The following DRGX variants were observed in gnomAD, a reference collection of about 807,000 sequenced individuals.
The protein encoded by DRGX is dorsal root ganglia homeobox protein.
A neutral mutation model predicts 28.6 loss-of-function variants in DRGX; 21 were observed. The observed-to-expected ratio is 0.73, with a 90% CI of 0.52 to 1.06. DRGX has a LOEUF of 1.06. DRGX is among the 50% of genes least tolerant of loss of function. DRGX has a pLI of 0.00. For missense variants in DRGX, 354 were observed against 343.9 expected (o/e 1.03, Z -0.23); for synonymous variants, 136 against 139.1 (o/e 0.98, Z 0.16).
At chr10:49,379,270 G>A (rs777654975) in intron 6 of DRGX, among the ~76,000 whole-genome samples, 13 of 152,170 alleles carry the variant, frequency 8.5e-5, no homozygotes, top group East Asian at 5.8e-4. Context: ...GAAAAGTGAC[G>A]TGAGTAAAAC....
chr10:49,370,850 C>T (rs778506568), intron 6 of DRGX, among the ~76,000 whole-genome samples: 1 of 152,196 alleles, frequency 6.6e-6, no homozygotes, highest in Non-Finnish European at 1.5e-5. Flanking sequence ...GTGGTCAATA[C>T]GACTTCACAG....
chr10:49,375,312 C>T (rs1452312447), intron 6 of DRGX, among the ~76,000 whole-genome samples: 1 of 152,170 alleles, frequency 6.6e-6, no homozygotes, highest in Non-Finnish European at 1.5e-5. Context: ...CAGAACAAAA[C>T]TGTCCCATTT....
chr10:49,395,441 C>G lies in DRGX; in HGVS notation c.-1G>C. On this transcript the variant is annotated 5_prime_UTR_variant, in exon 2 of 7. Transcript: ENST00000374139. The stretch of plus-strand genomic sequence containing the variant: ...GTGGCGGGCAGTGGAAATAAAACAT[C>G]GCCGGCTGTCAGATCGGCTGGACGG... 1 of 1,550,256 alleles carries G rather than the reference C, an allele frequency of 6.5e-7. No individual in the cohort carries two copies. Among genetic ancestry groups the G allele is most frequent in the South Asian group, 1.2e-5 (1 of 84,068 alleles).
intron 6 of DRGX, among the ~76,000 whole-genome samples, chr10:49,370,057 T>C (rs1270765938): frequency 6.6e-6 from 1 of 151,994 alleles, no homozygotes; most frequent in Non-Finnish European, 1.5e-5. Flanking sequence ...GAGGGGCAGG[T>C]GGGGGTGGAA....
intron 6 of DRGX, among the ~76,000 whole-genome samples, chr10:49,374,325 G>A (rs2132473027): frequency 6.6e-6 from 1 of 152,248 alleles, no homozygotes; most frequent in South Asian, 2.1e-4. Flanking sequence ...CAAACATGGG[G>A]CTGAGGGTGC....
In DRGX at chr10:49,395,478, G is replaced by A. The variant is rs1456685544; in HGVS notation, c.-38C>T. On this transcript the variant is annotated 5_prime_UTR_variant, in exon 2 of 7. Coordinates refer to ENST00000374139, the MANE Select transcript of DRGX (RefSeq NM_001276451.2). ...GATCGGCTGGACGGCCGAGACCTGG[G>A]AGGGTGGCAGCAGAACGGACCCGCG... 1 of 1,549,282 alleles carries A rather than the reference G, an allele frequency of 6.5e-7. No homozygotes were observed.
chr10:49,376,648 C>A (rs1289462173), intron 6 of DRGX, among the ~76,000 whole-genome samples: 6 of 152,202 alleles, frequency 3.9e-5, no homozygotes, highest in Non-Finnish European at 8.8e-5. Flanking sequence ...GCATGGGCAC[C>A]ATTAGGTATG....
chr10:49,391,345 C>G (rs966252581), intron 2 of DRGX, 84 bp from the exon 3 acceptor site: 1 of 1,037,102 alleles, frequency 9.6e-7, no homozygotes. Flanking sequence ...AGGGCACCCA[C>G]CTGACCCACC....
intron 6 of DRGX, among the ~76,000 whole-genome samples, chr10:49,375,257 G>A (rs1472137008): frequency 1.3e-5 from 2 of 152,080 alleles, no homozygotes; most frequent in African/African-American, 2.4e-5. Flanking sequence ...CACCTCCCAA[G>A]CTTGATGTAT....
At chr10:49,388,709 C>T (rs1849867266) in intron 4 of DRGX, among the ~76,000 whole-genome samples, 1 of 152,152 alleles carries the variant, frequency 6.6e-6, no homozygotes, top group South Asian at 2.1e-4. Flanking sequence ...ATGATGGAGT[C>T]GTTTATTTCC....
At chr10:49,373,490 T>TG (rs1455658579) in intron 6 of DRGX, among the ~76,000 whole-genome samples, 2 of 152,178 alleles carry the variant, frequency 1.3e-5, no homozygotes, top group African/African-American at 2.4e-5. Flanking sequence ...AACCCCAAGG[T>TG]GACAGCATTG....
rs1849845672 is a variant in DRGX, at chr10:49,386,814, T to C, written c.279A>G (p.Arg93=). ...CTCCTGGCTCCTGGTCTGAGGCCCC[T>C]CTCTCTGTCTTCCTCCATTTGGCCC... ...NRRAKWRKTE[R]GASDQEPGAK... The change falls in exon 5 of 7, where the codon AGA becomes AGG. Residue 93 remains arginine (R), a synonymous_variant. Transcript: ENST00000374139. The C allele has an allele frequency of 6.3e-7, 1 of 1,595,456 alleles. No homozygotes were observed. Among genetic ancestry groups the C allele is most frequent in the African/African-American group, 1.4e-5 (1 of 73,740 alleles).
intron 6 of DRGX, among the ~76,000 whole-genome samples, chr10:49,377,296 G>A (rs1348184886): frequency 1.3e-5 from 2 of 152,252 alleles, no homozygotes; most frequent in Non-Finnish European, 2.9e-5. Flanking sequence ...TGTGAATAGT[G>A]CCCTTAAAGT....
chr10:49,371,882 C>T (rs1320798431), intron 6 of DRGX, among the ~76,000 whole-genome samples: 1 of 151,704 alleles, frequency 6.6e-6, no homozygotes, highest in Non-Finnish European at 1.5e-5. Flanking sequence ...GAAGATTCTC[C>T]TATGTGCAAA....
At chr10:49,369,041 A>G (rs1849627954) in intron 6 of DRGX, among the ~76,000 whole-genome samples, 2 of 152,184 alleles carry the variant, frequency 1.3e-5, no homozygotes, top group Admixed American at 6.5e-5. Context: ...GCTTGCTCCA[A>G]TGTAAGCATC....
intron 4 of DRGX, among the ~76,000 whole-genome samples, chr10:49,387,123 C>A (rs776098063): frequency 2.0e-5 from 3 of 152,190 alleles, no homozygotes; most frequent in African/African-American, 4.8e-5. Flanking sequence ...AAATCCTTAA[C>A]GTTGAGTCAC....
intron 6 of DRGX, among the ~76,000 whole-genome samples, chr10:49,377,169 C>T (rs1849725731): frequency 6.6e-6 from 1 of 152,222 alleles, no homozygotes; most frequent in African/African-American, 2.4e-5. Flanking sequence ...GACCTTCTCC[C>T]AGGCCCAGAG....
chr10:49,382,513 C>T (rs1365407417), intron 6 of DRGX, among the ~76,000 whole-genome samples: 1 of 152,176 alleles, frequency 6.6e-6, no homozygotes, highest in East Asian at 1.9e-4. Flanking sequence ...GCCCAGAGCT[C>T]CTCAAACTGA....
In DRGX at chr10:49,382,962, G is replaced by A. The variant is rs571183608; in HGVS notation, c.526+3516C>T. Among the ~76,000 whole-genome samples the A allele has an allele frequency of 6.2e-4, 94 of 152,238 alleles. 1 individual carries two copies. Among genetic ancestry groups the A allele is most frequent in the African/African-American group, 2.2e-3 (90 of 41,532 alleles). On this transcript the variant is annotated intron_variant, in intron 6 of 6. Transcript: ENST00000374139. Reference sequence around the variant, plus strand: ...GGAGAATTGAACCTTGGCGGTGTTCGAAGCTGACTATGCCGCAAGCACACA... The same window carrying A: ...GGAGAATTGAACCTTGGCGGTGTTCAAAGCTGACTATGCCGCAAGCACACA...
Sources: gnomAD v4.1 joint callset for allele counts (sites outside exome capture counted in the v4.1 genomes callset) on GRCh38, gnomAD v4.1.1 for gene constraint, MANE v1.5 for transcripts, NCBI Gene and HGNC (gene_info 2026-07-23, HGNC 2026-07-21) for gene names.